The following BCAR3 variants were observed in gnomAD, a reference collection of about 807,000 sequenced individuals.
BCAR3 encodes the protein BCAR3 adaptor protein, NSP family member.
A neutral mutation model predicts 80.1 loss-of-function variants in BCAR3; 37 were observed. The ratio of observed to expected loss-of-function variants is 0.46; its 90% CI spans 0.36 to 0.61. The LOEUF (loss-of-function observed/expected upper bound fraction) is 0.61, where lower values mean the gene tolerates loss of function less well. Among genes scored for constraint, BCAR3 ranks in the 20% least tolerant of loss-of-function variants. The probability of loss-of-function intolerance (pLI) is 0.00; values close to 1 mark genes in which losing one functional copy is unlikely to be tolerated. For missense variants in BCAR3, 978 were observed against 1,068.2 expected (o/e 0.92, Z 1.18); for synonymous variants, 389 against 418.9 (o/e 0.93, Z 0.87).
intron 3 of BCAR3, among the ~76,000 whole-genome samples, chr1:93,701,254 G>A (rs1649628793): frequency 6.6e-6 from 1 of 152,220 alleles, no homozygotes; most frequent in African/African-American, 2.4e-5. Context: ...CTTGAAGGGA[G>A]CTGTGTGGCT....
intron 2 of BCAR3, among the ~76,000 whole-genome samples, chr1:93,813,171 C>CCACT (rs1445239314): frequency 5.3e-5 from 8 of 152,068 alleles, no homozygotes; most frequent in African/African-American, 1.4e-4. Flanking sequence ...TCAGCTTGGT[C>CCACT]CACTGTTCTT....
intron 3 of BCAR3, among the ~76,000 whole-genome samples, chr1:93,619,085 C>T (rs2101887923): frequency 6.6e-6 from 1 of 150,850 alleles, no homozygotes. Context: ...ACTACAGGCA[C>T]ATGCCACCAC....
At chr1:93,565,367 C>G (rs1268926294) in intron 11 of BCAR3, among the ~76,000 whole-genome samples, 1 of 138,790 alleles carries the variant, frequency 7.2e-6, no homozygotes, top group East Asian at 2.1e-4. Context: ...CGCCCGGCCC[C>G]CAGATGGTGA....
chr1:93,790,988 AT>A (rs1210111373), intron 2 of BCAR3, among the ~76,000 whole-genome samples: 1 of 77,514 alleles, frequency 1.3e-5, no homozygotes, highest in African/African-American at 8.3e-5. Context: ...TGAACTCATC[AT>A]TTTTTATGGC....
intron 11 of BCAR3, among the ~76,000 whole-genome samples, chr1:93,562,768 CAAAAAA>C (rs35374992): frequency 1.3e-4 from 10 of 76,894 alleles, no homozygotes; most frequent in African/African-American, 1.7e-4. Context: ...GACTCCATCT[CAAAAAA>C]AAAAAAAAAA....
chr1:93,686,700 C>A (rs1648983728), upstream of BCAR3, among the ~76,000 whole-genome samples: 1 of 152,170 alleles, frequency 6.6e-6, no homozygotes, highest in East Asian at 1.9e-4. Flanking sequence ...AGTCAGAGTG[C>A]CTGAGTAACT....
At chr1:93,625,829 T>C (rs370612879) in intron 3 of BCAR3, among the ~76,000 whole-genome samples, 2 of 152,096 alleles carry the variant, frequency 1.3e-5, no homozygotes, top group African/African-American at 4.8e-5. Flanking sequence ...ACTGGGAGCA[T>C]AGAAGGAGCC....
chr1:93,821,581 G>C (rs60890703), intron 2 of BCAR3, among the ~76,000 whole-genome samples: 3,528 of 152,260 alleles, frequency 0.023, 155 homozygotes, highest in African/African-American at 0.08. Context: ...GTGAGCAAAC[G>C]TCTTGGAATC....
At chr1:93,695,113 T>C (rs1370361439) in intron 3 of BCAR3, among the ~76,000 whole-genome samples, 4 of 152,258 alleles carry the variant, frequency 2.6e-5, no homozygotes, top group African/African-American at 9.6e-5. Flanking sequence ...GACATCATTC[T>C]GGTCTATCAG....
intron 8 of BCAR3, among the ~76,000 whole-genome samples, chr1:93,572,550 G>GA (rs1183003638): frequency 6.6e-6 from 1 of 152,170 alleles, no homozygotes; most frequent in Non-Finnish European, 1.5e-5. Flanking sequence ...CCCAAAACAG[G>GA]AAGCAGGGTG....
intron 2 of BCAR3, among the ~76,000 whole-genome samples, chr1:93,834,938 T>C (rs1214410242): frequency 6.6e-6 from 1 of 152,204 alleles, no homozygotes; most frequent in Non-Finnish European, 1.5e-5. Context: ...CCTTCTTTCC[T>C]GTTCCTCACC....
At chr1:93,566,423 C>G (rs1157032653) in intron 11 of BCAR3, among the ~76,000 whole-genome samples, 2 of 152,184 alleles carry the variant, frequency 1.3e-5, no homozygotes, top group African/African-American at 4.8e-5. Flanking sequence ...ATCGTACCTG[C>G]TTAAATTCCT....
chr1:93,589,130 A>G lies in BCAR3; in HGVS notation c.776T>C (p.Leu259Pro). 19 of 1,613,248 alleles carry G rather than the reference A, an allele frequency of 1.2e-5. No individual in the cohort carries two copies. Among genetic ancestry groups the G allele is most frequent in the Non-Finnish European group, 1.5e-5 (18 of 1,179,622 alleles). Residue 259 changes from leucine to proline, a missense_variant, in exon 5 of 12, where the codon CTG (leucine) becomes CCG (proline). Leu to Pro is a moderately conservative substitution (Grantham distance 98, BLOSUM62 -3). Transcript: ENST00000260502. ...IFQPINRTVP[L>P]RCLEEHYGTS... Reference sequence around the variant, plus strand: ...GCCATAATGCTCCTCCAGGCACCGCAGAGGCACCGTCCTGTTGATGGGCTG... The same window carrying G: ...GCCATAATGCTCCTCCAGGCACCGCGGAGGCACCGTCCTGTTGATGGGCTG...
intron 2 of BCAR3, among the ~76,000 whole-genome samples, chr1:93,672,522 G>C (rs1346991845): frequency 6.6e-6 from 1 of 152,226 alleles, no homozygotes; most frequent in Non-Finnish European, 1.5e-5. Context: ...GTATCACACA[G>C]CCTGGCATCT....
intron 3 of BCAR3, among the ~76,000 whole-genome samples, chr1:93,696,921 A>G (rs1417887833): frequency 6.6e-6 from 1 of 152,178 alleles, no homozygotes; most frequent in Non-Finnish European, 1.5e-5. Context: ...AGCTGTGGAG[A>G]GAAAGTTTGA....
intron 3 of BCAR3, among the ~76,000 whole-genome samples, chr1:93,691,569 G>A (rs780810352): frequency 6.6e-6 from 1 of 152,144 alleles, no homozygotes; most frequent in Admixed American, 6.5e-5. Flanking sequence ...GTGGTGGGAG[G>A]GGCCAGATTA....
chr1:93,567,221 T>G, intron 11 of BCAR3, 58 bp downstream of exon 11: 1 of 1,577,658 alleles, frequency 6.3e-7, no homozygotes. Context: ...GCTCTTCCAT[T>G]CCTTCATTTC....
intron 3 of BCAR3, among the ~76,000 whole-genome samples, chr1:93,637,352 A>G (rs1675819040): frequency 6.6e-6 from 1 of 151,910 alleles, no homozygotes. Flanking sequence ...TCGGGGCTTC[A>G]CCATGTTGGT....
At chr1:93,668,887 T>C (rs550336062) in intron 2 of BCAR3, among the ~76,000 whole-genome samples, 3 of 152,202 alleles carry the variant, frequency 2.0e-5, no homozygotes, top group Admixed American at 2.0e-4. Flanking sequence ...AATTTTTGTA[T>C]TATTAGTAGA....
Sources: gnomAD v4.1 joint callset for allele counts (sites outside exome capture counted in the v4.1 genomes callset) on GRCh38, gnomAD v4.1.1 for gene constraint, MANE v1.5 for transcripts, NCBI Gene and HGNC (gene_info 2026-07-23, HGNC 2026-07-21) for gene names.